SLC35F1: variants seen among roughly 807,000 people sequenced by gnomAD.
SLC35F1 encodes solute carrier family 35 member F1.
SLC35F1 carries 14 observed loss-of-function variants against 48.7 expected under a neutral mutation model. The observed-to-expected ratio is 0.29, with a 90% CI of 0.19 to 0.45. SLC35F1 has a LOEUF of 0.45. Ranked by LOEUF, SLC35F1 falls within the 20% of genes least tolerant of loss-of-function variation. The pLI is 1.00. For synonymous variants in SLC35F1, 190 were observed against 202.2 expected (o/e 0.94, Z 0.51); for missense variants, 404 against 500.0 (o/e 0.81, Z 1.83).
intron 3 of SLC35F1, among the ~76,000 whole-genome samples, chr6:118,262,003 A>G (rs2114614884): frequency 6.6e-6 from 1 of 152,224 alleles, no homozygotes. Context: ...AGACTTGTAA[A>G]ATATTCTGTA....
chr6:118,203,990 T>A (rs985298731), intron 2 of SLC35F1, among the ~76,000 whole-genome samples: 27 of 151,746 alleles, frequency 1.8e-4, no homozygotes, highest in African/African-American at 6.3e-4. Context: ...TTGCTAATAG[T>A]AATAAATGCC....
intron 1 of SLC35F1, among the ~76,000 whole-genome samples, chr6:117,913,781 G>T (rs1775791777): frequency 6.6e-6 from 1 of 152,174 alleles, no homozygotes; most frequent in Non-Finnish European, 1.5e-5. Flanking sequence ...GCCAGGGGCG[G>T]TGGCTCACAA....
chr6:118,293,540 A>G (rs1425860091), intron 7 of SLC35F1, among the ~76,000 whole-genome samples: 1 of 152,190 alleles, frequency 6.6e-6, no homozygotes, highest in African/African-American at 2.4e-5. Flanking sequence ...CTCATAAAGT[A>G]ATATATTCAC....
At chr6:118,078,685 A>C (rs553381072) in intron 1 of SLC35F1, among the ~76,000 whole-genome samples, 1 of 152,284 alleles carries the variant, frequency 6.6e-6, no homozygotes, top group Admixed American at 6.5e-5. Flanking sequence ...CTCTCTGTCA[A>C]GACTCTTGTA....
chr6:118,302,608 A>G (rs1184587552), intron 7 of SLC35F1, among the ~76,000 whole-genome samples: 2 of 152,186 alleles, frequency 1.3e-5, no homozygotes, highest in African/African-American at 4.8e-5. Flanking sequence ...GGACACCTCT[A>G]GATTTTGAGG....
intron 1 of SLC35F1, among the ~76,000 whole-genome samples, chr6:118,027,751 GCTGT>G (rs751229888): frequency 1.3e-5 from 2 of 152,008 alleles, no homozygotes; most frequent in Non-Finnish European, 2.9e-5. Context: ...CCCATCTGAG[GCTGT>G]CTTTTTATTT....
At chr6:118,173,289 C>T (rs1441499428) in intron 2 of SLC35F1, among the ~76,000 whole-genome samples, 1 of 151,474 alleles carries the variant, frequency 6.6e-6, no homozygotes, top group Non-Finnish European at 1.5e-5. Context: ...ATGTACAAAA[C>T]TCCAGAAAAT....
intron 1 of SLC35F1, among the ~76,000 whole-genome samples, chr6:118,126,340 A>G (rs1455374161): frequency 6.6e-6 from 1 of 152,226 alleles, no homozygotes; most frequent in Admixed American, 6.5e-5. Flanking sequence ...ATTTATCTAT[A>G]TCTCTGTTTT....
chr6:118,151,412 C>T (rs1774054993), intron 1 of SLC35F1, among the ~76,000 whole-genome samples: 1 of 152,198 alleles, frequency 6.6e-6, no homozygotes, highest in Non-Finnish European at 1.5e-5. Flanking sequence ...TCTGGCAACT[C>T]AAGTTCAATA....
intron 3 of SLC35F1, among the ~76,000 whole-genome samples, chr6:118,245,911 T>C (rs1034822093): frequency 6.6e-6 from 1 of 152,172 alleles, no homozygotes; most frequent in African/African-American, 2.4e-5. Context: ...AGAGGGCACA[T>C]CTTGGGCACA....
intron 3 of SLC35F1, among the ~76,000 whole-genome samples, chr6:118,249,002 G>A (rs1775540549): frequency 1.3e-5 from 2 of 152,202 alleles, no homozygotes; most frequent in Non-Finnish European, 2.9e-5. Context: ...TGCACGCGAG[G>A]ACACAGAGAA....
intron 2 of SLC35F1, among the ~76,000 whole-genome samples, chr6:118,179,766 C>T (rs1245249362): frequency 6.6e-6 from 1 of 151,980 alleles, no homozygotes; most frequent in East Asian, 1.9e-4. Flanking sequence ...AGTAAAGTTA[C>T]AGGAATTTGT....
At chr6:117,940,801 G>T (rs915923149) in intron 1 of SLC35F1, among the ~76,000 whole-genome samples, 1 of 151,902 alleles carries the variant, frequency 6.6e-6, no homozygotes, top group Non-Finnish European at 1.5e-5. Context: ...AGCACATGCC[G>T]CCACACCCAT....
chr6:118,226,874 T>C (rs968181589), intron 2 of SLC35F1, among the ~76,000 whole-genome samples: 2 of 151,938 alleles, frequency 1.3e-5, no homozygotes, highest in African/African-American at 4.8e-5. Flanking sequence ...AAAGAAAAAA[T>C]AAATATTTAA....
intron 1 of SLC35F1, among the ~76,000 whole-genome samples, chr6:117,950,067 A>G (rs1420480544): frequency 6.6e-6 from 1 of 152,030 alleles, no homozygotes; most frequent in African/African-American, 2.4e-5. Context: ...GCTTGATTCT[A>G]TGCTACCCAT....
chr6:118,238,414 A>C (rs1055334132), intron 3 of SLC35F1, among the ~76,000 whole-genome samples: 1 of 130,538 alleles, frequency 7.7e-6, no homozygotes, highest in Non-Finnish European at 1.6e-5. Context: ...ATATAGCAAG[A>C]TCCCATCTCT....
At chr6:118,270,661 C>A (rs1220715268) in intron 4 of SLC35F1, among the ~76,000 whole-genome samples, 1 of 152,178 alleles carries the variant, frequency 6.6e-6, no homozygotes, top group Non-Finnish European at 1.5e-5. Flanking sequence ...TTCTCTTTGT[C>A]ACCTTGGCTC....
At chr6:118,121,512 A>G (rs1379076613) in intron 1 of SLC35F1, among the ~76,000 whole-genome samples, 1 of 152,202 alleles carries the variant, frequency 6.6e-6, no homozygotes, top group African/African-American at 2.4e-5. Flanking sequence ...CTATCTGGAA[A>G]TATTCTTTTC....
At chr6:118,023,317 T>C (rs768024014) in intron 1 of SLC35F1, among the ~76,000 whole-genome samples, 15 of 152,008 alleles carry the variant, frequency 9.9e-5, no homozygotes, top group Non-Finnish European at 2.1e-4. Context: ...TTCAAGATGG[T>C]GACAACAAAG....
Sources: gnomAD v4.1 joint callset for allele counts (sites outside exome capture counted in the v4.1 genomes callset) on GRCh38, gnomAD v4.1.1 for gene constraint, MANE v1.5 for transcripts, NCBI Gene and HGNC (gene_info 2026-07-23, HGNC 2026-07-21) for gene names.